The following WNK2 variants were observed in gnomAD, a reference collection of about 807,000 sequenced individuals.
The protein encoded by WNK2 is WNK lysine deficient protein kinase 2, also known as serine/threonine-protein kinase WNK2.
In WNK2, 67 loss-of-function variants were observed where a neutral mutation model predicts 192.1. The observed-to-expected ratio is 0.35, with a 90% CI of 0.29 to 0.43. The LOEUF is 0.43. Ranked by LOEUF, WNK2 falls within the 20% of genes least tolerant of loss-of-function variation. The probability of loss-of-function intolerance (pLI) is 1.00; values close to 1 mark genes in which losing one functional copy is unlikely to be tolerated. For synonymous variants in WNK2, 1,439 were observed against 1,393.9 expected, an observed-to-expected ratio of 1.03 and a Z score of -0.72; for missense variants, 2,698 against 3,089.7, an observed-to-expected ratio of 0.87 and a Z score of 3.01.
At chr9:93,223,718 G>T (rs541561284) in intron 2 of WNK2, among the ~76,000 whole-genome samples, 90 of 152,362 alleles carry the variant, frequency 5.9e-4, no homozygotes, top group African/African-American at 1.9e-3. Flanking sequence ...CTGGCCCCCA[G>T]CTTGGGTCGA....
intron 13 of WNK2, 120 bp from the exon 14 acceptor site, chr9:93,262,550 A>G: frequency 9.3e-7 from 1 of 1,072,810 alleles, no homozygotes; most frequent in Non-Finnish European, 1.4e-6. Context: ...GAGCAGGAGA[A>G]CGCAGCGGGG....
rs1211495438 is a variant in WNK2, at chr9:93,302,359, C to T, written c.6214+2210C>T. ...GCTGAGGTCGGTGTATGGAAGACAC[C>T]GAGGGGTCGGGGGTCGCGCTGCAAG... is the stretch of plus-strand genomic sequence containing the variant. On this transcript the variant is annotated intron_variant, in intron 26 of 29. Coordinates refer to ENST00000427277, the MANE Select transcript of WNK2 (RefSeq NM_006648.4). 3.9e-5 allele frequency among the ~76,000 whole-genome samples: 6 copies of T among 151,976 alleles called. No individual in the cohort carries two copies. The East Asian group carries it at 5.8e-4, about 15-fold the overall frequency.
intron 2 of WNK2, among the ~76,000 whole-genome samples, chr9:93,225,457 A>G (rs1380857989): frequency 6.6e-6 from 1 of 152,196 alleles, no homozygotes; most frequent in Non-Finnish European, 1.5e-5. Context: ...GTGGTGTAGA[A>G]TATAAAATGA....
At chr9:93,260,372 C>T (rs1844033613) in intron 12 of WNK2, among the ~76,000 whole-genome samples, 1 of 152,126 alleles carries the variant, frequency 6.6e-6, no homozygotes, top group Admixed American at 6.5e-5. Context: ...TTATCTGGGT[C>T]CCATCCTTCC....
At chr9:93,294,616 G>C (rs531587683) in intron 23 of WNK2, among the ~76,000 whole-genome samples, 2 of 152,324 alleles carry the variant, frequency 1.3e-5, no homozygotes, top group South Asian at 2.1e-4. Context: ...AAGCTTGTAG[G>C]GGGCAGGAAG....
chr9:93,256,215 G>T, intron 9 of WNK2, 84 bp from the exon 10 acceptor site: 1 of 1,380,346 alleles, frequency 7.2e-7, no homozygotes, highest in South Asian at 1.7e-5. Flanking sequence ...GCACAGGGAT[G>T]ACATGAGGCT....
intron 2 of WNK2, among the ~76,000 whole-genome samples, chr9:93,222,659 C>T (rs1259659214): frequency 1.3e-5 from 2 of 152,056 alleles, no homozygotes; most frequent in East Asian, 1.9e-4. Context: ...TTGGTGGTGT[C>T]GGGAAAAATG....
chr9:93,256,522 C>T (rs1843315005), intron 10 of WNK2, 68 bp downstream of exon 10: 1 of 1,434,684 alleles, frequency 7.0e-7, no homozygotes, highest in Middle Eastern at 2.3e-4. Context: ...GCCCCTGGGC[C>T]CAGGTCTATG....
chr9:93,211,261 CTCAT>C (rs1563997681), intron 2 of WNK2, among the ~76,000 whole-genome samples: 2 of 6,842 alleles, frequency 2.9e-4, no homozygotes, highest in African/African-American at 1.1e-3. Flanking sequence ...CACTCATTCA[CTCAT>C]TCACTCACTC....
intron 2 of WNK2, among the ~76,000 whole-genome samples, chr9:93,195,712 A>T (rs1225654713): frequency 1.3e-5 from 2 of 150,448 alleles, no homozygotes; most frequent in Non-Finnish European, 3.0e-5. Flanking sequence ...AAAAAAAAAA[A>T]AAAAAAAAAA....
At chr9:93,205,815 T>A (rs1833270154) in intron 2 of WNK2, among the ~76,000 whole-genome samples, 1 of 152,064 alleles carries the variant, frequency 6.6e-6, no homozygotes, top group South Asian at 2.1e-4. Context: ...GTCCTCCGAA[T>A]GTCTTGCTGC....
At chr9:93,195,331 A>G (rs753436888) in intron 2 of WNK2, among the ~76,000 whole-genome samples, 6 of 152,022 alleles carry the variant, frequency 3.9e-5, no homozygotes, top group East Asian at 1.9e-4. Context: ...TTTTTGCTCA[A>G]TTTTCCCATA....
At chr9:93,220,516 G>T (rs1391704950) in intron 2 of WNK2, among the ~76,000 whole-genome samples, 3 of 152,180 alleles carry the variant, frequency 2.0e-5, no homozygotes, top group Non-Finnish European at 2.9e-5. Context: ...TAGAGTTGAT[G>T]ACCCTGCAGC....
intron 21 of WNK2, among the ~76,000 whole-genome samples, chr9:93,291,023 C>T (rs1452944410): frequency 6.6e-6 from 1 of 152,174 alleles, no homozygotes; most frequent in African/African-American, 2.4e-5. Flanking sequence ...CCCCGTAGTC[C>T]CAGGCCACAT....
In WNK2 at chr9:93,259,897, C is replaced by T. The variant is rs1411936544; in HGVS notation, c.3066+283C>T. 6.6e-6 allele frequency among the ~76,000 whole-genome samples: 1 copy of T among 152,220 alleles called. No homozygotes were observed. Among genetic ancestry groups the T allele is most frequent in the Non-Finnish European group, 1.5e-5 (1 of 68,050 alleles). On this transcript the variant is annotated intron_variant, in intron 12 of 29. Coordinates refer to ENST00000427277, the MANE Select transcript of WNK2 (RefSeq NM_006648.4). This position sits in a 1 kb window ranked among gnomAD's most constrained non-coding sequence, Gnocchi z 4.8. ...TCTGTGGCCCCTGCTCTTGTGGTAT[C>T]TTTGTACCTGCCCTCACCCAGGCCT...
intron 27 of WNK2, 122 bp downstream of exon 27, chr9:93,306,943 T>C: frequency 4.8e-6 from 6 of 1,240,810 alleles, no homozygotes; most frequent in Non-Finnish European, 4.7e-6. Context: ...GCCCCGCGCC[T>C]GCTCCATGCC....
At chr9:93,209,840 C>T (rs1288644263) in intron 2 of WNK2, among the ~76,000 whole-genome samples, 3 of 152,184 alleles carry the variant, frequency 2.0e-5, no homozygotes, top group African/African-American at 7.2e-5. Context: ...TGTCATCCTC[C>T]AGGAAGCGAG....
chr9:93,316,710 T>A (rs145941310), intron 28 of WNK2: 24 of 152,410 alleles, frequency 1.6e-4, no homozygotes, highest in African/African-American at 5.8e-4. Context: ...TCTCCTTCTC[T>A]CTGTCCAGTC....
rs745698115 is a variant in WNK2 at position 93,229,906 on chromosome 9, C to CT, written c.854+38_854+39insT. On this transcript the variant is annotated intron_variant, in intron 3 of 29. Coordinates refer to ENST00000427277, the MANE Select transcript of WNK2 (RefSeq NM_006648.4). This position sits in a 1 kb window ranked among gnomAD's most constrained non-coding sequence, Gnocchi z 4.9. Reference sequence around the variant, plus strand: ...TCCTGAGGGCTGGGGCGGGTCCTGGCATGGGTGCAGGGCTACCATAGCTGA... The same window carrying CT: ...TCCTGAGGGCTGGGGCGGGTCCTGGCTATGGGTGCAGGGCTACCATAGCTGA... The CT allele has an allele frequency of 6.2e-7, 1 of 1,602,094 alleles. No homozygotes were observed. Among genetic ancestry groups the CT allele is most frequent in the East Asian group, 2.2e-5 (1 of 44,598 alleles).
Sources: gnomAD v4.1 joint callset for allele counts (sites outside exome capture counted in the v4.1 genomes callset) on GRCh38, gnomAD v4.1.1 for gene constraint, Gnocchi (gnomAD v3.1) non-coding constraint, MANE v1.5 for transcripts, NCBI Gene and HGNC (gene_info 2026-07-23, HGNC 2026-07-21) for gene names.